HIVEP3: variants seen among roughly 807,000 people sequenced by gnomAD.
The protein encoded by HIVEP3 is transcription factor HIVEP3.
Under a neutral mutation model 152.8 loss-of-function variants are expected in HIVEP3, and 49 were observed. That is an observed-to-expected ratio of 0.32 (90% CI 0.26 to 0.41). The LOEUF is 0.41. HIVEP3 is among the 10% of genes least tolerant of loss of function. The pLI is 1.00. For missense variants in HIVEP3, 2,790 were observed against 3,103.3 expected, an observed-to-expected ratio of 0.90 and a Z score of 2.40; for synonymous variants, 1,269 against 1,289.0, an observed-to-expected ratio of 0.98 and a Z score of 0.33.
chr1:41,919,442 G>T (rs1394311038), upstream of HIVEP3, among the ~76,000 whole-genome samples: 1 of 152,174 alleles, frequency 6.6e-6, no homozygotes, highest in Non-Finnish European at 1.5e-5. Context: ...CAGTCTCAGG[G>T]TCCATGTCCA....
chr1:41,619,665 G>A (rs1044200535), intron 3 of HIVEP3, among the ~76,000 whole-genome samples: 1 of 152,158 alleles, frequency 6.6e-6, no homozygotes, highest in African/African-American at 2.4e-5. Context: ...AGGAGTGGGG[G>A]AAGGGATGAG....
intron 1 of HIVEP3, among the ~76,000 whole-genome samples, chr1:41,701,923 C>T (rs12084384): frequency 0.072 from 10,961 of 152,120 alleles, 906 homozygotes; most frequent in African/African-American, 0.2. Flanking sequence ...AGCCCTCTGG[C>T]TCAAAGATTA....
intron 1 of HIVEP3, among the ~76,000 whole-genome samples, chr1:41,726,966 T>C (rs1646761432): frequency 6.6e-6 from 1 of 152,034 alleles, no homozygotes; most frequent in Non-Finnish European, 1.5e-5. Context: ...TAAGTGATAA[T>C]CCTCTCTTCC....
intron 1 of HIVEP3, among the ~76,000 whole-genome samples, chr1:42,029,854 A>C (rs1317536838): frequency 1.3e-5 from 2 of 152,216 alleles, no homozygotes; most frequent in African/African-American, 4.8e-5. Flanking sequence ...CCAATTCTCC[A>C]ATGACCAAAA....
intron 1 of HIVEP3, among the ~76,000 whole-genome samples, chr1:41,936,150 A>T (rs962610693): frequency 6.6e-6 from 1 of 152,184 alleles, no homozygotes; most frequent in Non-Finnish European, 1.5e-5. Flanking sequence ...CACCCTCTGT[A>T]ACCCCAAGAT....
At chr1:41,976,692 A>G (rs980004952) in intron 1 of HIVEP3, among the ~76,000 whole-genome samples, 23 of 152,182 alleles carry the variant, frequency 1.5e-4, no homozygotes, top group African/African-American at 4.6e-4. Context: ...TGCAGATGTA[A>G]TTAGTTAAGA....
intron 5 of HIVEP3, among the ~76,000 whole-genome samples, chr1:41,554,028 T>G (rs371266109): frequency 3.3e-5 from 5 of 152,236 alleles, no homozygotes; most frequent in African/African-American, 1.2e-4. Flanking sequence ...ATTTCCTGAA[T>G]TTGAATGTTG....
intron 1 of HIVEP3, among the ~76,000 whole-genome samples, chr1:41,739,102 C>T (rs567392596): frequency 7.2e-5 from 11 of 152,250 alleles, no homozygotes; most frequent in Non-Finnish European, 1.5e-4. Context: ...GAACGTGAAT[C>T]GATGCCCCCG....
chr1:42,026,831 G>A (rs1645585438), intron 1 of HIVEP3, among the ~76,000 whole-genome samples: 1 of 152,166 alleles, frequency 6.6e-6, no homozygotes, highest in African/African-American at 2.4e-5. Flanking sequence ...CAAAACTATT[G>A]CAAGCAACAG....
At position 41,585,295 on chromosome 1, in the gene HIVEP3, TGGA is replaced by T. The variant is rs1644487490; in HGVS notation, c.-501_-499del. ...GTTCTGGGTTGGAGATCAACGGCCT[TGGA>T]GGAGAAATCACGCTCTTCTTCTGTG... On this transcript the variant is annotated 5_prime_UTR_variant, in exon 4 of 9. Transcript: ENST00000372583. The T allele has an allele frequency of 2.5e-6, 1 of 398,890 alleles. No homozygotes were observed. 24.7% of individuals were successfully genotyped at this position (398,890 alleles called of 1,614,324 possible). A position where few individuals can be genotyped will look rare whatever the true frequency, so the allele number is the denominator to read the frequency against.
At chr1:41,849,451 C>T (rs1643534245) in intron 1 of HIVEP3, among the ~76,000 whole-genome samples, 1 of 152,194 alleles carries the variant, frequency 6.6e-6, no homozygotes, top group Admixed American at 6.5e-5. Context: ...CAGCCTGCCT[C>T]CTTGCTAACC....
At chr1:41,619,903 C>T (rs1369493394) in intron 3 of HIVEP3, among the ~76,000 whole-genome samples, 1 of 152,174 alleles carries the variant, frequency 6.6e-6, no homozygotes, top group Non-Finnish European at 1.5e-5. Context: ...AGCACCTAGG[C>T]ATGGCTGGCC....
At chr1:41,539,889 G>A (rs1172171846) in intron 5 of HIVEP3, among the ~76,000 whole-genome samples, 2 of 152,164 alleles carry the variant, frequency 1.3e-5, no homozygotes, top group Non-Finnish European at 2.9e-5. Context: ...CTCTGTAGTA[G>A]GCACTTTTTA....
intron 1 of HIVEP3, among the ~76,000 whole-genome samples, chr1:41,874,118 C>T (rs1644127582): frequency 6.6e-6 from 1 of 152,220 alleles, no homozygotes; most frequent in African/African-American, 2.4e-5. Flanking sequence ...ACCATTCCTT[C>T]TTGTCTTAGA....
intron 1 of HIVEP3, among the ~76,000 whole-genome samples, chr1:41,834,823 G>C (rs1570633639): frequency 2.0e-5 from 3 of 152,192 alleles, no homozygotes; most frequent in Admixed American, 2.0e-4. Context: ...TGAAGTGTTG[G>C]GAACACTATT....
chr1:41,582,493 C>T lies in HIVEP3; in HGVS notation c.2305G>A (p.Gly769Arg), dbSNP rs1644429516. Residue 769 changes from glycine to arginine, a missense_variant, in exon 4 of 9, where the codon GGA (glycine) becomes AGA (arginine). This residue lies in a region of HIVEP3 where 339 missense variants were observed against 327.0 expected (regional missense o/e 1.04). Transcript: ENST00000372583. This position sits in a 1 kb window ranked among gnomAD's most constrained non-coding sequence, Gnocchi z 4.7. The stretch of plus-strand genomic sequence containing the variant: ...GTCCTTGGCTGGAAGCCCGTGGGTC[C>T]CTCCAAGGAGGGCACTGATTTACTT... ...EPSKSVPSLE[G>R]PTGFQPRTPK... 1.2e-6 allele frequency: 2 copies of T among 1,612,604 alleles called. No homozygotes were observed. The highest frequency in any genetic ancestry group is 1.3e-5 in the African/African-American group (1 of 74,888).
At chr1:41,915,881 G>A (rs974807043) in intron 1 of HIVEP3, among the ~76,000 whole-genome samples, 3 of 152,260 alleles carry the variant, frequency 2.0e-5, no homozygotes, top group South Asian at 2.1e-4. Flanking sequence ...AGCCCTGCCC[G>A]CCTAGTGCAT....
intron 1 of HIVEP3, among the ~76,000 whole-genome samples, chr1:41,944,103 G>A (rs1229239882): frequency 6.6e-6 from 1 of 152,228 alleles, no homozygotes; most frequent in African/African-American, 2.4e-5. Flanking sequence ...AATGATGGTT[G>A]CCAGGGACTG....
At chr1:41,915,402 C>A (rs970633421) in intron 1 of HIVEP3, among the ~76,000 whole-genome samples, 3 of 152,036 alleles carry the variant, frequency 2.0e-5, no homozygotes, top group Admixed American at 2.0e-4. Context: ...TTTACTCTTA[C>A]TTCTTACTGA....
Sources: allele counts gnomAD v4.1 joint callset (sites outside exome capture counted in the v4.1 genomes callset), GRCh38; gene constraint gnomAD v4.1.1; regional missense constraint gnomAD v4.1.1; non-coding constraint Gnocchi (gnomAD v3.1); transcripts MANE v1.5; gene names NCBI Gene and HGNC (gene_info 2026-07-23, HGNC 2026-07-21).